Variants in ANKS1B observed in about 807,000 individuals in gnomAD.
ANKS1B encodes the protein ankyrin repeat and sterile alpha motif domain containing 1B.
ANKS1B carries 36 observed loss-of-function variants against 148.3 expected under a neutral mutation model. The observed-to-expected ratio is 0.24, with a 90% CI of 0.19 to 0.32. The LOEUF is 0.32. ANKS1B is among the 10% of genes least tolerant of loss of function. The pLI is 1.00. For missense variants in ANKS1B, 1,157 were observed against 1,542.6 expected (o/e 0.75, Z 4.19); for synonymous variants, 542 against 560.8 (o/e 0.97, Z 0.47).
chr12:99,409,936 T>C (rs752148960), intron 11 of ANKS1B, among the ~76,000 whole-genome samples: 19 of 152,364 alleles, frequency 1.2e-4, no homozygotes, highest in Non-Finnish European at 2.6e-4. Context: ...GTGTTCGTTG[T>C]GGCTTCTCCA....
At chr12:99,649,422 C>T in intron 9 of ANKS1B, 2 of 1,577,612 alleles carry the variant, frequency 1.3e-6, no homozygotes, top group Non-Finnish European at 1.7e-6. Context: ...CCCACATATA[C>T]TACGTTCAAG....
intron 17 of ANKS1B, among the ~76,000 whole-genome samples, chr12:98,855,932 C>A (rs756144367): frequency 9.2e-5 from 14 of 152,196 alleles, no homozygotes; most frequent in Admixed American, 1.3e-4. Context: ...CCAAGACAAA[C>A]AGGTTGATGC....
intron 9 of ANKS1B, among the ~76,000 whole-genome samples, chr12:99,593,900 A>C (rs1262135342): frequency 1.3e-5 from 2 of 152,092 alleles, no homozygotes; most frequent in Non-Finnish European, 2.9e-5. Context: ...TCAGTTTACA[A>C]AGTGCCTGTA....
At chr12:99,305,928 T>C (rs2082279010) in intron 12 of ANKS1B, among the ~76,000 whole-genome samples, 1 of 152,174 alleles carries the variant, frequency 6.6e-6, no homozygotes, top group African/African-American at 2.4e-5. Flanking sequence ...ATGTCCTCCC[T>C]TGTTGAACTG....
intron 9 of ANKS1B, among the ~76,000 whole-genome samples, chr12:99,541,413 C>A (rs1008427867): frequency 6.6e-6 from 1 of 152,098 alleles, no homozygotes; most frequent in Non-Finnish European, 1.5e-5. Flanking sequence ...CAACAACATA[C>A]AAAATAATTA....
At chr12:98,782,261 G>A in intron 22 of ANKS1B, 124 bp from the exon 23 acceptor site, 1 of 819,780 alleles carries the variant, frequency 1.2e-6, no homozygotes, top group Non-Finnish European at 2.0e-6. Context: ...AACAAAAGAT[G>A]CCACAAAAGA....
chr12:99,504,692 T>C, intron 9 of ANKS1B, 51 bp from the exon 10 acceptor site: 1 of 1,353,424 alleles, frequency 7.4e-7, no homozygotes, highest in Non-Finnish European at 9.9e-7. Context: ...AACAGCCTTG[T>C]TTAATTTATA....
At chr12:99,924,142 T>C (rs1009201812) in intron 1 of ANKS1B, among the ~76,000 whole-genome samples, 1 of 152,126 alleles carries the variant, frequency 6.6e-6, no homozygotes, top group Admixed American at 6.6e-5. Flanking sequence ...CTTAAATGCA[T>C]GTTGAATGAA....
At chr12:99,782,676 G>T (rs967174006) in intron 4 of ANKS1B, among the ~76,000 whole-genome samples, 1 of 152,194 alleles carries the variant, frequency 6.6e-6, no homozygotes, top group African/African-American at 2.4e-5. Flanking sequence ...CAAGGCTTTT[G>T]TGACTATGCA....
chr12:99,639,320 T>G (rs1036382097), intron 9 of ANKS1B, among the ~76,000 whole-genome samples: 1 of 152,238 alleles, frequency 6.6e-6, no homozygotes, highest in African/African-American at 2.4e-5. Flanking sequence ...GTAACTAACT[T>G]GCTTTTGATT....
intron 17 of ANKS1B, among the ~76,000 whole-genome samples, chr12:98,970,804 C>T (rs1161955114): frequency 6.6e-6 from 1 of 152,176 alleles, no homozygotes; most frequent in Non-Finnish European, 1.5e-5. Flanking sequence ...TGATATACCA[C>T]TTCTAGATGC....
chr12:98,823,895 G>A (rs992132326), intron 19 of ANKS1B, among the ~76,000 whole-genome samples: 5 of 152,166 alleles, frequency 3.3e-5, no homozygotes, highest in Admixed American at 2.0e-4. Context: ...TAGAATTTCT[G>A]GGAACAACAG....
At chr12:99,041,042 G>C (rs891184242) in intron 17 of ANKS1B, among the ~76,000 whole-genome samples, 1 of 152,200 alleles carries the variant, frequency 6.6e-6, no homozygotes, top group Admixed American at 6.5e-5. Context: ...CAGGGATAAA[G>C]ACCTGTACTT....
chr12:99,519,764 T>C (rs559982619), intron 9 of ANKS1B, among the ~76,000 whole-genome samples: 9 of 152,218 alleles, frequency 5.9e-5, no homozygotes, highest in African/African-American at 2.2e-4. Flanking sequence ...TCCCTTTTAG[T>C]GAAAGTGATT....
At chr12:98,898,738 A>G (rs1250452544) in intron 17 of ANKS1B, among the ~76,000 whole-genome samples, 1 of 152,208 alleles carries the variant, frequency 6.6e-6, no homozygotes, top group African/African-American at 2.4e-5. Context: ...ATTTATGTGG[A>G]GTGTATCTAA....
chr12:98,964,574 A>G (rs758276113), intron 17 of ANKS1B, among the ~76,000 whole-genome samples: 10 of 152,234 alleles, frequency 6.6e-5, no homozygotes, highest in Non-Finnish European at 1.0e-4. Context: ...CAACAGATGA[A>G]TGGATAAAGA....
intron 8 of ANKS1B, among the ~76,000 whole-genome samples, chr12:99,715,227 T>C (rs1333941038): frequency 7.2e-5 from 11 of 152,182 alleles, no homozygotes. Context: ...CCCTGTAACC[T>C]GCACGTACAC....
At chr12:98,887,481 C>G (rs2099742732) in intron 17 of ANKS1B, among the ~76,000 whole-genome samples, 1 of 152,176 alleles carries the variant, frequency 6.6e-6, no homozygotes, top group South Asian at 2.1e-4. Flanking sequence ...GATCAAACCT[C>G]TTAACATTTT....
At chr12:99,098,619 CTTTTTTTTTTTTTTTTTTTTTTTTTT>C (rs71081896) in intron 15 of ANKS1B, among the ~76,000 whole-genome samples, 13 of 32,112 alleles carry the variant, frequency 4.0e-4, no homozygotes, top group Admixed American at 2.0e-3. Flanking sequence ...CTAGGAACTA[CTTTTTTTTTTTTTTTTTTTTTTTTTT>C]TTTTTTTTTT....
Sources: allele counts gnomAD v4.1 joint callset (sites outside exome capture counted in the v4.1 genomes callset), GRCh38; gene constraint gnomAD v4.1.1; transcripts MANE v1.5; gene names NCBI Gene and HGNC (gene_info 2026-07-23, HGNC 2026-07-21).